Variants in BIVM observed in about 807,000 individuals in gnomAD.
BIVM encodes basic immunoglobulin-like variable motif-containing protein.
A neutral mutation model predicts 61.4 loss-of-function variants in BIVM; 31 were observed. That is an observed-to-expected ratio of 0.51 (90% CI 0.38 to 0.68). The LOEUF (loss-of-function observed/expected upper bound fraction) is 0.68. Ranked by LOEUF, BIVM falls within the 30% of genes least tolerant of loss-of-function variation. The pLI, the probability that BIVM is intolerant of heterozygous loss-of-function variation, is 0.00. For missense variants in BIVM, 526 were observed against 596.0 expected (o/e 0.88, Z 1.22); for synonymous variants, 189 against 210.7 (o/e 0.90, Z 0.89).
rs765364339 is a variant in BIVM, at chr13:102,839,888, G to A, written c.*23G>A. On this transcript the variant is annotated 3_prime_UTR_variant, in exon 11 of 11. Coordinates refer to ENST00000257336, the MANE Select transcript of BIVM (RefSeq NM_017693.4). ...TGACTATGCTTGCTACTGAACAGCT[G>A]GCATTATATATGAAACTGCTATATA... is the stretch of plus-strand genomic sequence containing the variant. 4.1e-5 allele frequency: 65 copies of A among 1,593,808 alleles called. No individual in the cohort carries two copies. The highest frequency in any genetic ancestry group is 3.4e-4 in the Admixed American group (20 of 58,956).
At chr13:102,829,085 T>A in intron 7 of BIVM, among the ~76,000 whole-genome samples, 1 of 152,028 alleles carries the variant, frequency 6.6e-6, no homozygotes, top group South Asian at 2.1e-4. Context: ...ATTGCTGGAT[T>A]ACCTATCAGA....
At chr13:102,820,825 T>C (rs899940988) in intron 4 of BIVM, 4 of 488,604 alleles carry the variant, frequency 8.2e-6, no homozygotes, top group African/African-American at 8.1e-5. Context: ...AACTGGCAGT[T>C]AGTCATACTT....
intron 1 of BIVM, among the ~76,000 whole-genome samples, chr13:102,803,113 A>C (rs1412701062): frequency 4.0e-5 from 6 of 151,582 alleles, no homozygotes; most frequent in Admixed American, 3.3e-4. Context: ...GCTTGAAGCC[A>C]AGAGGTCAAG....
intron 7 of BIVM, among the ~76,000 whole-genome samples, chr13:102,822,481 C>T (rs536220614): frequency 3.9e-5 from 6 of 152,274 alleles, no homozygotes; most frequent in South Asian, 2.1e-4. Flanking sequence ...CGTGTGTACG[C>T]GCACATGCTA....
At chr13:102,823,261 A>C (rs1019831340) in intron 7 of BIVM, among the ~76,000 whole-genome samples, 38 of 152,358 alleles carry the variant, frequency 2.5e-4, no homozygotes, top group Admixed American at 3.3e-4. Context: ...GACTGAGCAC[A>C]AAGTCAGATA....
At chr13:102,821,695 G>A (rs547671437) in intron 5 of BIVM, 48 bp from the exon 6 acceptor site, 26 of 1,559,836 alleles carry the variant, frequency 1.7e-5, no homozygotes, top group Middle Eastern at 3.4e-4. Flanking sequence ...CTGTATTTGC[G>A]TATGACTGGA....
In BIVM at chr13:102,833,841, G is replaced by A. The variant is rs564560964; in HGVS notation, c.1035-625G>A. ...CATCTTTCTGGAGGTGGAATTTCTT[G>A]TAAGTGAGGTATACTGTATGTTTCT... On this transcript the variant is annotated intron_variant, in intron 8 of 10. Transcript: ENST00000257336. Among the ~76,000 whole-genome samples the A allele has an allele frequency of 5.8e-4, 89 of 152,312 alleles. 1 individual carries two copies. The highest frequency in any genetic ancestry group is 2.0e-3 in the African/African-American group (83 of 41,572).
At chr13:102,827,275 C>CA (rs565083248) in intron 7 of BIVM, among the ~76,000 whole-genome samples, 10 of 139,362 alleles carry the variant, frequency 7.2e-5, no homozygotes, top group Non-Finnish European at 1.4e-4. Context: ...GTCCCAATGA[C>CA]TTTTTTTTTT....
chr13:102,829,314 C>T (rs980939172), intron 7 of BIVM, among the ~76,000 whole-genome samples: 1 of 152,286 alleles, frequency 6.6e-6, no homozygotes, highest in South Asian at 2.1e-4. Flanking sequence ...ACCTGCTCTT[C>T]TCCATGCAGC....
intron 7 of BIVM, 74 bp from the exon 8 acceptor site, chr13:102,831,491 T>C: frequency 6.3e-7 from 1 of 1,592,818 alleles, no homozygotes; most frequent in East Asian, 2.2e-5. Flanking sequence ...CTTAAGCCCT[T>C]AACCGGTCCT....
intron 8 of BIVM, among the ~76,000 whole-genome samples, chr13:102,833,491 C>A (rs139450589): frequency 6.6e-6 from 1 of 151,836 alleles, no homozygotes; most frequent in African/African-American, 2.4e-5. Context: ...CCATACTTGG[C>A]TAATTTTGAG....
chr13:102,803,243 C>T (rs1878859056), intron 1 of BIVM, among the ~76,000 whole-genome samples: 1 of 151,970 alleles, frequency 6.6e-6, no homozygotes, highest in African/African-American at 2.4e-5. Flanking sequence ...TGGCTCATTC[C>T]TATAATCCCA....
chr13:102,803,032 A>G (rs1314025900), intron 1 of BIVM, among the ~76,000 whole-genome samples: 1 of 151,880 alleles, frequency 6.6e-6, no homozygotes, highest in Non-Finnish European at 1.5e-5. Context: ...TGATAAGAAT[A>G]TTCTCCATGG....
intron 1 of BIVM, among the ~76,000 whole-genome samples, chr13:102,799,776 G>A (rs1878621259): frequency 6.6e-6 from 1 of 152,242 alleles, no homozygotes; most frequent in African/African-American, 2.4e-5. Flanking sequence ...GTAGGGGGAA[G>A]AGCTGTGTCG....
Position 102,839,680 on chromosome 13 carries a change from A to G in BIVM, c.1327A>G (p.Thr443Ala). Residue 443 changes from threonine (T) to alanine (A), a missense_variant, in exon 11 of 11, where the codon ACA becomes GCA. Coordinates refer to ENST00000257336, the MANE Select transcript of BIVM (RefSeq NM_017693.4). The part of the protein sequence containing the change: ...GTIRQESQPP[T>A]HAQGIAKSES... ...CATTAGACAAGAATCACAACCTCCA[A>G]CACATGCCCAGGGAATTGCCAAATC... 1 of 1,614,206 alleles carries G rather than the reference A, an allele frequency of 6.2e-7. No homozygotes were observed. Among genetic ancestry groups the G allele is most frequent in the East Asian group, 2.2e-5 (1 of 44,880 alleles).
Position 102,840,051 on chromosome 13 carries a change from A to G in BIVM, c.*186A>G. 1 of 580,382 alleles carries G rather than the reference A, an allele frequency of 1.7e-6. No individual in the cohort carries two copies. The highest frequency in any genetic ancestry group is 2.9e-5 in the South Asian group (1 of 34,658). 36.0% of individuals were successfully genotyped at this position (580,382 alleles called of 1,614,324 possible). On this transcript the variant is annotated 3_prime_UTR_variant, in exon 11 of 11. Transcript: ENST00000257336. ...TTATGGTGGGTGATTTCAGATATAT[A>G]AGCAGATAAGCACAGATTATTGTCC...
intron 3 of BIVM, among the ~76,000 whole-genome samples, chr13:102,813,875 T>G (rs1879670631): frequency 6.6e-6 from 1 of 152,180 alleles, no homozygotes; most frequent in African/African-American, 2.4e-5. Flanking sequence ...GGGCCAAATT[T>G]ATACACAGAA....
intron 6 of BIVM, 49 bp downstream of exon 6, chr13:102,821,896 T>C (rs750368663): frequency 6.3e-7 from 1 of 1,587,994 alleles, no homozygotes; most frequent in South Asian, 1.1e-5. Context: ...TTTTGCAAAA[T>C]AATAATGATG....
intron 9 of BIVM, among the ~76,000 whole-genome samples, chr13:102,836,622 C>T (rs1881496411): frequency 6.6e-6 from 1 of 152,168 alleles, no homozygotes; most frequent in South Asian, 2.1e-4. Context: ...CCTTAATTAC[C>T]TTTTGTGTGT....
Sources: allele counts gnomAD v4.1 joint callset (sites outside exome capture counted in the v4.1 genomes callset), GRCh38; gene constraint gnomAD v4.1.1; transcripts MANE v1.5; gene names NCBI Gene and HGNC (gene_info 2026-07-23, HGNC 2026-07-21).